SYNE1: variants seen among roughly 807,000 people sequenced by gnomAD.
SYNE1 encodes the protein spectrin repeat containing nuclear envelope protein 1, also known as nesprin-1.
In SYNE1, 616 loss-of-function variants were observed where a neutral mutation model predicts 1,111.0. The ratio of observed to expected loss-of-function variants is 0.55; its 90% CI spans 0.52 to 0.59. The LOEUF (loss-of-function observed/expected upper bound fraction) is 0.59, where lower values mean the gene tolerates loss of function less well. SYNE1 is among the 20% of genes least tolerant of loss of function. SYNE1 has a pLI of 0.00. For synonymous variants in SYNE1, 3,855 were observed against 3,825.8 expected (o/e 1.01, Z -0.28); for missense variants, 10,006 against 10,417.0 (o/e 0.96, Z 1.72).
chr6:152,379,905 A>T (rs566745429), intron 56 of SYNE1, among the ~76,000 whole-genome samples: 26 of 152,348 alleles, frequency 1.7e-4, no homozygotes, highest in African/African-American at 5.5e-4. Flanking sequence ...TGTGACTGGA[A>T]TAGAAAGAAA....
intron 34 of SYNE1, among the ~76,000 whole-genome samples, chr6:152,433,293 T>C (rs932661814): frequency 2.6e-5 from 4 of 152,132 alleles, no homozygotes; most frequent in Non-Finnish European, 5.9e-5. Context: ...AGGACCTCTG[T>C]CCATGCTCCA....
At position 152,331,080 on chromosome 6, in the gene SYNE1, C is replaced by A; in HGVS notation, c.13605G>T (p.Lys4535Asn). 1 of 1,614,206 alleles carries A rather than the reference C, an allele frequency of 6.2e-7. No homozygotes were observed. Among genetic ancestry groups the A allele is most frequent in the Non-Finnish European group, 8.5e-7 (1 of 1,180,038 alleles). The change falls in exon 78 of 146, where the codon AAG becomes AAT. Residue 4535 changes from lysine (K) to asparagine (N), a missense_variant. Physicochemically the swap from Lys to Asn is moderately conservative, Grantham distance 94 (BLOSUM62 0). Around this residue, in one of 7 missense-constraint regions of SYNE1, gnomAD observed 4,955 missense variants for 5,017.2 expected, o/e 0.99. Transcript: ENST00000367255. The part of the protein sequence containing the change: ...TEQEKSEVLG[K>N]LQELQSVYDS... ...CATAGACACTCTGCAATTCCTGAAG[C>A]TTCCCCAGCACTTCACTCTTTTCCT...
In SYNE1 at chr6:152,409,618, C is replaced by T; in HGVS notation, c.6322G>A (p.Val2108Met). ...VSKVLENASS[V>M]IVTRTTIKDQ... ...TTTATGGTAGTTCTGGTTACAATCACACTGCTGGCATTTTCTAAGACTTTA... is the reference window on the plus strand; with the variant it reads ...TTTATGGTAGTTCTGGTTACAATCATACTGCTGGCATTTTCTAAGACTTTA... Residue 2108 changes from valine to methionine, a missense_variant, in exon 43 of 146, where the codon GTG becomes ATG. Coordinates refer to ENST00000367255, the MANE Select transcript of SYNE1 (RefSeq NM_182961.4). 1 of 1,613,926 alleles carries T rather than the reference C, an allele frequency of 6.2e-7. No homozygotes were observed. The highest frequency in any genetic ancestry group is 8.5e-7 in the Non-Finnish European group (1 of 1,179,968).
intron 137 of SYNE1, chr6:152,145,850 C>T (rs990107417): frequency 1.3e-5 from 5 of 373,018 alleles, no homozygotes; most frequent in African/African-American, 2.1e-5. Flanking sequence ...CATGGTGGAA[C>T]CCCATCTCTA....
rs776011593 is a variant in SYNE1, at chr6:152,331,633, G to T, written c.13052C>A (p.Ser4351Tyr). ...TNLEELNVVQ[S>Y]RFQELMEWAE... Reference sequence around the variant, plus strand: ...CCACTCCATTAGCTCCTGAAATCTGGACTGCACCACATTTAACTCCTCCAA... The same window carrying T: ...CCACTCCATTAGCTCCTGAAATCTGTACTGCACCACATTTAACTCCTCCAA... Residue 4351 changes from serine to tyrosine, a missense_variant, in exon 78 of 146, where the codon TCC becomes TAC. Physicochemically the swap from Ser to Tyr is moderately radical, Grantham distance 144. Coordinates refer to ENST00000367255, the MANE Select transcript of SYNE1 (RefSeq NM_182961.4). The T allele has an allele frequency of 1.2e-6, 2 of 1,614,082 alleles. No individual in the cohort carries two copies. The highest frequency in any genetic ancestry group is 1.7e-6 in the Non-Finnish European group (2 of 1,180,016).
At chr6:152,482,688 C>T (rs1047633952) in intron 14 of SYNE1, among the ~76,000 whole-genome samples, 6 of 152,168 alleles carry the variant, frequency 3.9e-5, no homozygotes, top group Non-Finnish European at 8.8e-5. Context: ...CACCCCACAG[C>T]ACCAAGACAT....
At chr6:152,627,879 A>G (rs1031071791) in intron 3 of SYNE1, among the ~76,000 whole-genome samples, 3 of 152,162 alleles carry the variant, frequency 2.0e-5, no homozygotes, top group African/African-American at 4.8e-5. Context: ...TGACAATAGC[A>G]TATAGCTATA....
At chr6:152,565,326 T>A (rs1267203741) in intron 3 of SYNE1, among the ~76,000 whole-genome samples, 1 of 152,212 alleles carries the variant, frequency 6.6e-6, no homozygotes, top group Non-Finnish European at 1.5e-5. Flanking sequence ...TTACTGGGAA[T>A]AAAGTAATCC....
intron 75 of SYNE1, among the ~76,000 whole-genome samples, chr6:152,337,636 T>C (rs1486988973): frequency 1.3e-5 from 2 of 152,364 alleles, no homozygotes; most frequent in East Asian, 3.9e-4. Flanking sequence ...GCTGCTCTGA[T>C]GGTTTTTCCC....
chr6:152,163,379 A>G lies in SYNE1; in HGVS notation c.23790+784T>C, dbSNP rs144067374. Among the ~76,000 whole-genome samples the G allele has an allele frequency of 3.9e-4, 59 of 152,164 alleles. 1 individual carries two copies. The East Asian group carries it at 0.01, about 26-fold the overall frequency. On this transcript the variant is annotated intron_variant, in intron 131 of 145. Transcript: ENST00000367255. ...CCAGGCATGGTGGTGCATGCCTGTA[A>G]TCTCAGCTACTTGGGAGGCTGAGGC...
chr6:152,485,348 C>T (rs918479815), intron 12 of SYNE1, among the ~76,000 whole-genome samples: 3 of 152,114 alleles, frequency 2.0e-5, no homozygotes, highest in Non-Finnish European at 4.4e-5. Flanking sequence ...TCATAGTAAA[C>T]AGGAGTATAA....
intron 14 of SYNE1, among the ~76,000 whole-genome samples, chr6:152,479,214 A>T (rs1447419291): frequency 6.6e-6 from 1 of 152,094 alleles, no homozygotes; most frequent in African/African-American, 2.4e-5. Flanking sequence ...AGAACCTGAG[A>T]GGTCATGATA....
chr6:152,506,419 A>G (rs1249851364), intron 8 of SYNE1, among the ~76,000 whole-genome samples: 1 of 152,178 alleles, frequency 6.6e-6, no homozygotes, highest in Admixed American at 6.5e-5. Context: ...CTCTAACTAA[A>G]GCAAAAATAT....
intron 58 of SYNE1, among the ~76,000 whole-genome samples, chr6:152,375,226 A>G (rs902709644): frequency 6.6e-6 from 1 of 152,188 alleles, no homozygotes; most frequent in Non-Finnish European, 1.5e-5. Flanking sequence ...TATAGGTGTG[A>G]GCCGCCGCGC....
chr6:152,413,894 T>C (rs905806507), intron 41 of SYNE1, among the ~76,000 whole-genome samples: 1 of 152,086 alleles, frequency 6.6e-6, no homozygotes, highest in African/African-American at 2.4e-5. Context: ...GAAATGTTTC[T>C]GGGCCATGAG....
intron 126 of SYNE1, among the ~76,000 whole-genome samples, chr6:152,202,346 CAAAAAAAAAAAA>C (rs35563822): frequency 4.2e-4 from 20 of 48,042 alleles, no homozygotes; most frequent in Admixed American, 1.6e-3. Flanking sequence ...GACTCTGTCT[CAAAAAAAAAAAA>C]AAAAAAAAAA....
intron 105 of SYNE1, among the ~76,000 whole-genome samples, chr6:152,247,044 A>G (rs1441697146): frequency 6.6e-6 from 1 of 152,250 alleles, no homozygotes; most frequent in African/African-American, 2.4e-5. Flanking sequence ...GAAGCAATGC[A>G]GTAAAGAGAA....
intron 128 of SYNE1, among the ~76,000 whole-genome samples, chr6:152,182,094 A>G (rs2068240905): frequency 6.6e-6 from 1 of 152,126 alleles, no homozygotes; most frequent in Non-Finnish European, 1.5e-5. Flanking sequence ...CTTTTTAATT[A>G]GATTGCCTTT....
chr6:152,230,276 A>G (rs1442111914), intron 115 of SYNE1, among the ~76,000 whole-genome samples: 1 of 152,092 alleles, frequency 6.6e-6, no homozygotes, highest in South Asian at 2.1e-4. Context: ...ATTAAATCTG[A>G]TGCTCAGTAT....
Sources: allele counts gnomAD v4.1 joint callset (sites outside exome capture counted in the v4.1 genomes callset), GRCh38; gene constraint gnomAD v4.1.1; regional missense constraint gnomAD v4.1.1; transcripts MANE v1.5; gene names NCBI Gene and HGNC (gene_info 2026-07-23, HGNC 2026-07-21).